Variants in AKIP1 observed in about 807,000 individuals in gnomAD.
AKIP1 encodes the protein A-kinase-interacting protein 1.
A neutral mutation model predicts 22.3 loss-of-function variants in AKIP1; 18 were observed. The observed-to-expected ratio is 0.81, with a 90% CI of 0.56 to 1.19. The LOEUF (loss-of-function observed/expected upper bound fraction) is 1.19. Ranked by LOEUF, AKIP1 falls within the 50% of genes most tolerant of loss-of-function variation. AKIP1 has a pLI of 0.00. For synonymous variants in AKIP1, 120 were observed against 102.7 expected (o/e 1.17, Z -1.02); for missense variants, 287 against 264.6 (o/e 1.08, Z -0.59).
rs1278569568 is a variant in AKIP1, at chr11:8,911,542, G to A, written c.93G>A (p.Arg31=). Residue 31 remains arginine, a synonymous_variant, in exon 2 of 6, where the codon AGG becomes AGA. Transcript: ENST00000309377. The part of the protein sequence containing the change: ...SARLALEVLE[R]AKRRAVDWHA... ...GGCTGGCTCTAGAAGTGCTGGAGAG[G>A]GCCAAGAGGAGGGCGGTGGACTGGC... is the stretch of plus-strand genomic sequence containing the variant. 3.1e-6 allele frequency: 5 copies of A among 1,611,102 alleles called. No individual in the cohort carries two copies. In the South Asian group the frequency reaches 3.3e-5, roughly 11 times the overall value.
intron 3 of AKIP1, among the ~76,000 whole-genome samples, chr11:8,914,335 G>A (rs2064444980): frequency 6.6e-6 from 1 of 152,192 alleles, no homozygotes; most frequent in Non-Finnish European, 1.5e-5. Flanking sequence ...CGCGCAGGAA[G>A]CACAGAGAAA....
chr11:8,914,572 T>G (rs1391427491), intron 3 of AKIP1, among the ~76,000 whole-genome samples: 1 of 152,176 alleles, frequency 6.6e-6, no homozygotes, highest in African/African-American at 2.4e-5. Context: ...CTGCCCACCT[T>G]TAGTTAGCCA....
At chr11:8,915,641 ATTT>A (rs574171233) in intron 4 of AKIP1, among the ~76,000 whole-genome samples, 3 of 137,144 alleles carry the variant, frequency 2.2e-5, no homozygotes, top group East Asian at 4.2e-4. Flanking sequence ...GTCTTTGGTA[ATTT>A]TTTTTTTTTT....
At position 8,911,500 on chromosome 11, in the gene AKIP1, C is replaced by A. The variant is rs777902254; in HGVS notation, c.51C>A (p.Ser17=). 3 of 1,608,604 alleles carry A rather than the reference C, an allele frequency of 1.9e-6. No homozygotes were observed. The highest frequency in any genetic ancestry group is 2.5e-6 in the Non-Finnish European group (3 of 1,177,876). The change falls in exon 2 of 6, where the codon TCC becomes TCA. Residue 17 remains serine (S), a synonymous_variant. Transcript: ENST00000309377. ...CGCTGAATGGGGTGGACCGACGTTC[C>A]CTGCAGCGTTCAGCAAGGCTGGCTC... ...AAALNGVDRR[S]LQRSARLALE...
chr11:8,917,917 A>G (rs760288148), intron 5 of AKIP1: 2 of 156,038 alleles, frequency 1.3e-5, no homozygotes, highest in Non-Finnish European at 2.8e-5. Context: ...TGGAAGGGCT[A>G]GAATTCTGAG....
intron 5 of AKIP1, chr11:8,917,709 G>T: frequency 2.5e-6 from 1 of 407,488 alleles, no homozygotes; most frequent in Non-Finnish European, 4.3e-6. Flanking sequence ...GGAGGGGCAC[G>T]ATCCTCCTGC....
chr11:8,913,439 T>C (rs908313925), intron 3 of AKIP1, among the ~76,000 whole-genome samples: 2 of 149,586 alleles, frequency 1.3e-5, no homozygotes, highest in Non-Finnish European at 3.0e-5. Context: ...CCGCGCATCT[T>C]GGCCTCCCAA....
chr11:8,919,161 C>T (rs1256130111), intron 5 of AKIP1, among the ~76,000 whole-genome samples, 176 bp from the exon 6 acceptor site: 1 of 152,190 alleles, frequency 6.6e-6, no homozygotes, highest in African/African-American at 2.4e-5. Flanking sequence ...AGGCTGAGAC[C>T]TACCAAAATG....
rs1324519067 is a variant in AKIP1 at position 8,919,540 on chromosome 11, A to C, written c.*60A>C. ...TAAGTAGTAAGAATAAAGCCACTGT[A>C]TGATTCTCTTAATAGCTATACATTA... On this transcript the variant is annotated 3_prime_UTR_variant, in exon 6 of 6. Coordinates refer to ENST00000309377, the MANE Select transcript of AKIP1 (RefSeq NM_020642.4). 4 of 1,562,294 alleles carry C rather than the reference A, an allele frequency of 2.6e-6. No individual in the cohort carries two copies. The highest frequency in any genetic ancestry group is 3.5e-6 in the Non-Finnish European group (4 of 1,144,950).
rs933044487 is a variant in AKIP1, at chr11:8,911,617, G to GC, written c.172dup (p.His58ProfsTer26). On this transcript the variant is annotated frameshift_variant, in exon 2 of 6. Transcript: ENST00000309377. LOFTEE classifies it high-confidence loss of function. ...GCATGGGGGTCCTTGCCCGGGAGGC[G>GC]CCCCACCTAGAGAAACAGCCGGCAG... 6.3e-7 allele frequency: 1 copy of GC among 1,599,298 alleles called. No homozygotes were observed. Among genetic ancestry groups the GC allele is most frequent in the Non-Finnish European group, 8.5e-7 (1 of 1,174,730 alleles).
At chr11:8,914,463 C>T (rs971388210) in intron 3 of AKIP1, among the ~76,000 whole-genome samples, 10 of 152,238 alleles carry the variant, frequency 6.6e-5, no homozygotes, top group African/African-American at 1.2e-4. Context: ...AACATGGAAC[C>T]GTTCATCCAC....
At chr11:8,917,418 T>C (rs1169456067) in intron 5 of AKIP1, 51 bp downstream of exon 5, 1 of 1,356,034 alleles carries the variant, frequency 7.4e-7, no homozygotes, top group Non-Finnish European at 1.1e-6. Context: ...TGCAACTCCA[T>C]GAACCAGTTG....
intron 5 of AKIP1, 52 bp downstream of exon 5, chr11:8,917,419 G>A (rs1285717920): frequency 1.5e-6 from 2 of 1,356,314 alleles, no homozygotes; most frequent in Admixed American, 3.4e-5. Context: ...GCAACTCCAT[G>A]AACCAGTTGA....
chr11:8,911,583 C>T lies in AKIP1; in HGVS notation c.134C>T (p.Pro45Leu), dbSNP rs755915688. ...RAVDWHALER[P>L]KGCMGVLARE... Reference sequence around the variant, plus strand: ...GTGGACTGGCATGCCCTGGAGCGTCCCAAAGGCTGCATGGGGGTCCTTGCC... The same window carrying T: ...GTGGACTGGCATGCCCTGGAGCGTCTCAAAGGCTGCATGGGGGTCCTTGCC... The change falls in exon 2 of 6, where the codon CCC becomes CTC. Residue 45 changes from proline to leucine, a missense_variant. Physicochemically the swap from Pro to Leu is moderately conservative, Grantham distance 98. Transcript: ENST00000309377. 6.2e-7 allele frequency: 1 copy of T among 1,611,086 alleles called. No individual in the cohort carries two copies. The highest frequency in any genetic ancestry group is 8.5e-7 in the Non-Finnish European group (1 of 1,179,126).
In AKIP1 at chr11:8,914,856, G is replaced by C; in HGVS notation, c.334G>C (p.Gly112Arg). ...TTATTCATCTGTGCCAGAGGAAGGA[G>C]GGGCAACCCATGTCTATCGTTATCA... ...KYYSSVPEEG[G>R]ATHVYRYHRG... The change falls in exon 4 of 6, where the codon GGG becomes CGG. Residue 112 changes from glycine (G) to arginine (R), a missense_variant. Coordinates refer to ENST00000309377, the MANE Select transcript of AKIP1 (RefSeq NM_020642.4). The C allele has an allele frequency of 6.2e-7, 1 of 1,613,896 alleles. No homozygotes were observed. The highest frequency in any genetic ancestry group is 8.5e-7 in the Non-Finnish European group (1 of 1,179,896).
At chr11:8,912,871 CTT>C (rs71059196) in intron 3 of AKIP1, among the ~76,000 whole-genome samples, 57 of 92,970 alleles carry the variant, frequency 6.1e-4, no homozygotes, top group Admixed American at 1.5e-3. Flanking sequence ...TTTTTTTTAA[CTT>C]TTTTTTTTTT....
chr11:8,916,890 G>C (rs1374321105), intron 4 of AKIP1, among the ~76,000 whole-genome samples: 2 of 152,104 alleles, frequency 1.3e-5, no homozygotes, highest in Non-Finnish European at 1.5e-5. Flanking sequence ...TCCCTTCTAG[G>C]ACCACCCCCA....
intron 4 of AKIP1, among the ~76,000 whole-genome samples, chr11:8,916,007 A>T (rs1348234135): frequency 6.6e-6 from 1 of 151,810 alleles, no homozygotes; most frequent in African/African-American, 2.4e-5. Flanking sequence ...TTTTTAGTGG[A>T]GACGGGGTTT....
intron 3 of AKIP1, among the ~76,000 whole-genome samples, chr11:8,912,933 G>A (rs1234214582): frequency 1.2e-4 from 17 of 137,020 alleles, no homozygotes; most frequent in Admixed American, 2.4e-4. Flanking sequence ...GGAGTGCAGT[G>A]GTGTGATCTC....
Sources: gnomAD v4.1 joint callset for allele counts (sites outside exome capture counted in the v4.1 genomes callset) on GRCh38, gnomAD v4.1.1 for gene constraint, MANE v1.5 for transcripts, NCBI Gene and HGNC (gene_info 2026-07-23, HGNC 2026-07-21) for gene names.